The following ARHGAP15 variants were observed in gnomAD, a reference collection of about 807,000 sequenced individuals.
ARHGAP15 encodes Rho GTPase activating protein 15.
In ARHGAP15, 51 loss-of-function variants were observed where a neutral mutation model predicts 63.7. That is an observed-to-expected ratio of 0.80 (90% confidence interval 0.64 to 1.01). ARHGAP15 has a LOEUF of 1.01. Ranked by LOEUF, ARHGAP15 falls within the 50% of genes least tolerant of loss-of-function variation. The pLI is 0.00. For synonymous variants in ARHGAP15, 191 were observed against 193.8 expected (o/e 0.99, Z 0.12); for missense variants, 560 against 564.6 (o/e 0.99, Z 0.08).
At chr2:143,326,270 A>C (rs1296083545) in intron 6 of ARHGAP15, among the ~76,000 whole-genome samples, 1 of 152,160 alleles carries the variant, frequency 6.6e-6, no homozygotes, top group African/African-American at 2.4e-5. Flanking sequence ...TAATCCTGTG[A>C]GTAAACAACA....
chr2:143,176,252 C>G (rs1049933800), intron 2 of ARHGAP15, among the ~76,000 whole-genome samples: 1 of 151,940 alleles, frequency 6.6e-6, no homozygotes, highest in Non-Finnish European at 1.5e-5. Context: ...TATAAGAAAA[C>G]TTTTATATTA....
chr2:143,163,891 G>C (rs1690396931), intron 2 of ARHGAP15, among the ~76,000 whole-genome samples: 1 of 151,990 alleles, frequency 6.6e-6, no homozygotes, highest in Admixed American at 6.6e-5. Flanking sequence ...CATTCCTTGA[G>C]AATCACACAA....
chr2:143,638,278 T>A (rs1204734332), intron 12 of ARHGAP15, among the ~76,000 whole-genome samples: 22 of 144,804 alleles, frequency 1.5e-4, no homozygotes, highest in Non-Finnish European at 3.2e-4. Flanking sequence ...TAGACTGGAT[T>A]AAGAAAATGT....
intron 11 of ARHGAP15, among the ~76,000 whole-genome samples, chr2:143,598,695 C>T (rs1574685307): frequency 6.6e-6 from 1 of 152,000 alleles, no homozygotes; most frequent in East Asian, 1.9e-4. Context: ...CACTTGAAGC[C>T]AGGAGTTCAA....
intron 9 of ARHGAP15, among the ~76,000 whole-genome samples, chr2:143,505,148 C>G (rs1693251049): frequency 6.6e-6 from 1 of 152,318 alleles, no homozygotes. Context: ...TCACAATTCT[C>G]CTGACTGTGT....
chr2:143,357,894 T>A (rs1194086289), intron 6 of ARHGAP15, among the ~76,000 whole-genome samples: 1 of 152,240 alleles, frequency 6.6e-6, no homozygotes, highest in Non-Finnish European at 1.5e-5. Flanking sequence ...TGCATAGTTT[T>A]ATTTTTCTAT....
intron 13 of ARHGAP15, among the ~76,000 whole-genome samples, chr2:143,725,924 T>A (rs952943920): frequency 6.6e-6 from 1 of 152,220 alleles, no homozygotes; most frequent in African/African-American, 2.4e-5. Flanking sequence ...TGAATATCTA[T>A]ACAAACAGCT....
chr2:143,317,674 G>A (rs992881740), intron 6 of ARHGAP15, among the ~76,000 whole-genome samples: 50 of 152,244 alleles, frequency 3.3e-4, no homozygotes, highest in African/African-American at 1.1e-3. Flanking sequence ...TGAGGAATTT[G>A]TACTGTATTC....
intron 6 of ARHGAP15, among the ~76,000 whole-genome samples, chr2:143,388,688 C>G (rs1044563052): frequency 3.3e-5 from 5 of 152,130 alleles, no homozygotes; most frequent in Non-Finnish European, 5.9e-5. Context: ...TTTCAAATTT[C>G]TCATCAAGTA....
rs368213450 is a variant in ARHGAP15, at chr2:143,164,272, A to G, written c.165+8617A>G. Among the ~76,000 whole-genome samples, 155 of 152,170 alleles carry G rather than the reference A, an allele frequency of 1.0e-3. 7 individuals are homozygous for G. In the South Asian group the frequency reaches 0.029, roughly 28 times the overall value. ...GTGGGTAAAGTACGTGTCAGTTTTC[A>G]AAGAGCATATTAAAAACTGATAAGC... is the stretch of plus-strand genomic sequence containing the variant. On this transcript the variant is annotated intron_variant, in intron 2 of 13. Transcript: ENST00000295095.
At chr2:143,629,082 C>T (rs1451554362) in intron 12 of ARHGAP15, among the ~76,000 whole-genome samples, 8 of 151,894 alleles carry the variant, frequency 5.3e-5, no homozygotes, top group Admixed American at 2.6e-4. Flanking sequence ...ACCACTGGAG[C>T]GGTCTGAATT....
chr2:143,654,874 G>A (rs1681354062), intron 12 of ARHGAP15, among the ~76,000 whole-genome samples: 1 of 152,166 alleles, frequency 6.6e-6, no homozygotes, highest in Admixed American at 6.5e-5. Flanking sequence ...GAGGCAAGAG[G>A]ATTGCTTGGG....
At chr2:143,221,078 C>A (rs1166180466) in intron 4 of ARHGAP15, among the ~76,000 whole-genome samples, 1 of 151,998 alleles carries the variant, frequency 6.6e-6, no homozygotes, top group Non-Finnish European at 1.5e-5. Context: ...GACTAGTGAG[C>A]AAAAATGGTC....
chr2:143,699,559 A>G (rs1274965169), intron 12 of ARHGAP15, among the ~76,000 whole-genome samples: 2 of 152,222 alleles, frequency 1.3e-5, no homozygotes, highest in African/African-American at 2.4e-5. Context: ...ATACTTATAC[A>G]TAACTGACCT....
At chr2:143,326,170 C>A (rs1208124846) in intron 6 of ARHGAP15, among the ~76,000 whole-genome samples, 1 of 152,176 alleles carries the variant, frequency 6.6e-6, no homozygotes, top group East Asian at 1.9e-4. Context: ...CACTGGGGAA[C>A]TTATGCTATG....
chr2:143,467,375 A>G (rs1032608790), intron 8 of ARHGAP15, among the ~76,000 whole-genome samples: 1 of 151,074 alleles, frequency 6.6e-6, no homozygotes, highest in Non-Finnish European at 1.5e-5. Context: ...AATATTGAGT[A>G]AAGATGAACA....
intron 6 of ARHGAP15, among the ~76,000 whole-genome samples, chr2:143,365,460 G>T (rs755567219): frequency 2.0e-5 from 3 of 152,158 alleles, no homozygotes; most frequent in East Asian, 1.9e-4. Context: ...GTGTGACAAT[G>T]CTGATCCCTC....
chr2:143,420,175 C>T (rs1004088535), intron 6 of ARHGAP15, among the ~76,000 whole-genome samples: 4 of 152,144 alleles, frequency 2.6e-5, no homozygotes, highest in African/African-American at 9.7e-5. Context: ...ACCCAAGTTT[C>T]TCAAATGTAG....
chr2:143,517,767 AG>A (rs758497940), intron 9 of ARHGAP15, among the ~76,000 whole-genome samples: 13 of 152,358 alleles, frequency 8.5e-5, no homozygotes, highest in Non-Finnish European at 1.6e-4. Context: ...CTGGTAGGAA[AG>A]GCTGCAATAA....
Sources: gnomAD v4.1 joint callset for allele counts (sites outside exome capture counted in the v4.1 genomes callset) on GRCh38, gnomAD v4.1.1 for gene constraint, MANE v1.5 for transcripts, NCBI Gene and HGNC (gene_info 2026-07-23, HGNC 2026-07-21) for gene names.